Variants in NXPH1 observed in about 807,000 individuals in gnomAD.
The protein encoded by NXPH1 is neurexophilin-1.
In NXPH1, 5 loss-of-function variants were observed where a neutral mutation model predicts 23.7. That is an observed-to-expected ratio of 0.21 (90% CI 0.11 to 0.44). NXPH1 has a LOEUF of 0.44. Among genes scored for constraint, NXPH1 ranks in the 20% least tolerant of loss-of-function variants. The probability of loss-of-function intolerance (pLI) is 0.99; values close to 1 mark genes in which losing one functional copy is unlikely to be tolerated. For missense variants in NXPH1, 324 were observed against 321.6 expected, an observed-to-expected ratio of 1.01 and a Z score of -0.06; for synonymous variants, 144 against 122.2, an observed-to-expected ratio of 1.18 and a Z score of -1.18.
At chr7:8,500,050 A>G (rs1330114728) in intron 2 of NXPH1, among the ~76,000 whole-genome samples, 1 of 152,082 alleles carries the variant, frequency 6.6e-6, no homozygotes, top group East Asian at 1.9e-4. Context: ...AATATTTCCA[A>G]CAAATCTTTT....
At chr7:8,633,533 T>C (rs1394542052) in intron 2 of NXPH1, among the ~76,000 whole-genome samples, 1 of 152,230 alleles carries the variant, frequency 6.6e-6, no homozygotes, top group Non-Finnish European at 1.5e-5. Flanking sequence ...ACCGAATTTC[T>C]CAGTAGAATA....
At chr7:8,508,564 G>A (rs371235231) in intron 2 of NXPH1, among the ~76,000 whole-genome samples, 1 of 152,084 alleles carries the variant, frequency 6.6e-6, no homozygotes, top group African/African-American at 2.4e-5. Context: ...TCCATCCTTG[G>A]ATAAACACTG....
intron 2 of NXPH1, among the ~76,000 whole-genome samples, chr7:8,692,571 C>CT (rs1821238767): frequency 6.6e-6 from 1 of 152,184 alleles, no homozygotes; most frequent in South Asian, 2.1e-4. Context: ...AGCTATACTA[C>CT]TTTTTTCCTG....
chr7:8,434,086 C>A lies in NXPH1; in HGVS notation c.-780C>A, dbSNP rs897458496. The A allele has an allele frequency of 3.3e-5, 5 of 152,242 alleles. No homozygotes were observed. The highest frequency in any genetic ancestry group is 1.2e-4 in the African/African-American group (5 of 41,452). The allele number at this position is 152,242 out of a possible 1,614,324, so 9.4% of individuals were successfully genotyped here. Reference sequence around the variant, plus strand: ...GGTGGCCGGGCAGCACCAGGGACAGCGCCCGGGACTCCACTGGGGACCGGC... The same window carrying A: ...GGTGGCCGGGCAGCACCAGGGACAGAGCCCGGGACTCCACTGGGGACCGGC... On this transcript the variant is annotated 5_prime_UTR_variant, in exon 1 of 3. Coordinates refer to ENST00000405863, the MANE Select transcript of NXPH1 (RefSeq NM_152745.3). The surrounding 1 kb of genome is among the most constrained non-coding windows in gnomAD (Gnocchi z 7.6).
intron 2 of NXPH1, among the ~76,000 whole-genome samples, chr7:8,592,299 C>T (rs74466735): frequency 0.016 from 2,364 of 152,006 alleles, 27 homozygotes; most frequent in Non-Finnish European, 0.023. Context: ...TCAAATGTCA[C>T]GCAATACATA....
rs141958259 is a variant in NXPH1, at chr7:8,699,583, G to T, written c.55-51425G>T. Among the ~76,000 whole-genome samples, 18 of 152,146 alleles carry T rather than the reference G, an allele frequency of 1.2e-4. No homozygotes were observed. The East Asian group carries it at 3.5e-3, about 29-fold the overall frequency. On this transcript the variant is annotated intron_variant, in intron 2 of 2. Transcript: ENST00000405863. Reference sequence around the variant, plus strand: ...ATCACCAAAGCATTTTAATTTGAACGTTAAAAGAATTTGCAACAGTTAAGA... The same window carrying T: ...ATCACCAAAGCATTTTAATTTGAACTTTAAAAGAATTTGCAACAGTTAAGA...
chr7:8,471,324 G>C (rs1020942896), intron 2 of NXPH1, among the ~76,000 whole-genome samples: 2 of 152,102 alleles, frequency 1.3e-5, no homozygotes, highest in African/African-American at 4.8e-5. Context: ...CTGAGGGGAA[G>C]GATTTGTGAA....
intron 2 of NXPH1, among the ~76,000 whole-genome samples, chr7:8,468,547 T>C (rs1816820808): frequency 6.6e-6 from 1 of 152,112 alleles, no homozygotes; most frequent in Admixed American, 6.6e-5. Context: ...TAATATCCCA[T>C]GTCCTGCTAT....
At chr7:8,613,954 A>G (rs1434131580) in intron 2 of NXPH1, among the ~76,000 whole-genome samples, 1 of 151,796 alleles carries the variant, frequency 6.6e-6, no homozygotes, top group Non-Finnish European at 1.5e-5. Context: ...CTTAGTTTCA[A>G]CGACTAATAT....
chr7:8,747,481 C>G (rs1201576411), intron 2 of NXPH1, among the ~76,000 whole-genome samples: 1 of 152,130 alleles, frequency 6.6e-6, no homozygotes, highest in Non-Finnish European at 1.5e-5. Flanking sequence ...GGGATAATTT[C>G]GTTACTGCTT....
At chr7:8,591,416 G>A (rs1316340643) in intron 2 of NXPH1, among the ~76,000 whole-genome samples, 1 of 151,978 alleles carries the variant, frequency 6.6e-6, no homozygotes, top group Non-Finnish European at 1.5e-5. Flanking sequence ...TAAGATGGCT[G>A]TTTACTGAAC....
At chr7:8,528,526 C>T (rs971953348) in intron 2 of NXPH1, among the ~76,000 whole-genome samples, 17 of 152,180 alleles carry the variant, frequency 1.1e-4, no homozygotes, top group Admixed American at 3.3e-4. Context: ...CATATTGAAT[C>T]GTCTGTCTTG....
intron 2 of NXPH1, among the ~76,000 whole-genome samples, chr7:8,606,967 T>C (rs562826457): frequency 8.1e-4 from 124 of 152,320 alleles, no homozygotes; most frequent in Non-Finnish European, 1.6e-3. Context: ...TGATTTCTGA[T>C]GTTTTGTGAA....
intron 2 of NXPH1, among the ~76,000 whole-genome samples, chr7:8,597,710 G>A (rs1562418980): frequency 1.7e-5 from 2 of 114,312 alleles, no homozygotes; most frequent in Admixed American, 9.1e-5. Flanking sequence ...ATCCGGGTGG[G>A]GGGCGGGGGG....
chr7:8,643,220 A>C (rs1277408385), intron 2 of NXPH1, among the ~76,000 whole-genome samples: 4 of 152,164 alleles, frequency 2.6e-5, no homozygotes, highest in Non-Finnish European at 4.4e-5. Context: ...TTATATAATT[A>C]GTATGATAAA....
At chr7:8,566,189 G>A (rs75564778) in intron 2 of NXPH1, among the ~76,000 whole-genome samples, 6,000 of 151,756 alleles carry the variant, frequency 0.04, 151 homozygotes, top group Non-Finnish European at 0.054. Context: ...TAGTTCTTTG[G>A]CACCATCGAT....
intron 2 of NXPH1, among the ~76,000 whole-genome samples, chr7:8,536,662 G>GT (rs1818031712): frequency 6.6e-6 from 1 of 151,834 alleles, no homozygotes; most frequent in South Asian, 2.1e-4. Context: ...CATTCTGGTT[G>GT]CTAGGTAGAA....
At chr7:8,667,045 C>T (rs1820783170) in intron 2 of NXPH1, among the ~76,000 whole-genome samples, 1 of 152,022 alleles carries the variant, frequency 6.6e-6, no homozygotes, top group African/African-American at 2.4e-5. Flanking sequence ...TTATTTTAAG[C>T]TGATGACAAC....
At chr7:8,741,008 C>G (rs185133908) in intron 2 of NXPH1, among the ~76,000 whole-genome samples, 51 of 152,300 alleles carry the variant, frequency 3.3e-4, no homozygotes, top group Non-Finnish European at 6.8e-4. Flanking sequence ...ACTTATTCAT[C>G]ACATAATCAA....
Sources: allele counts gnomAD v4.1 joint callset (sites outside exome capture counted in the v4.1 genomes callset), GRCh38; gene constraint gnomAD v4.1.1; non-coding constraint Gnocchi (gnomAD v3.1); transcripts MANE v1.5; gene names NCBI Gene and HGNC (gene_info 2026-07-23, HGNC 2026-07-21).